Variants in SMYD4 observed in about 807,000 individuals in gnomAD.
SMYD4 encodes protein-lysine N-methyltransferase SMYD4.
In SMYD4, 68 loss-of-function variants were observed where a neutral mutation model predicts 72.8. The ratio of observed to expected loss-of-function variants is 0.93; its 90% confidence interval spans 0.77 to 1.14. The LOEUF is 1.14. SMYD4 is among the 50% of genes most tolerant of loss of function. The pLI, the probability that SMYD4 is intolerant of heterozygous loss-of-function variation, is 0.00. For missense variants in SMYD4, 984 were observed against 1,003.7 expected, an observed-to-expected ratio of 0.98 and a Z score of 0.27; for synonymous variants, 407 against 388.6, an observed-to-expected ratio of 1.05 and a Z score of -0.56.
intron 2 of SMYD4, among the ~76,000 whole-genome samples, chr17:1,825,752 C>T (rs1205043591): frequency 6.6e-6 from 1 of 151,840 alleles, no homozygotes; most frequent in Non-Finnish European, 1.5e-5. Flanking sequence ...ATCCTCTCAC[C>T]TTTGGCTCCC....
intron 2 of SMYD4, among the ~76,000 whole-genome samples, chr17:1,813,041 T>C (rs993032525): frequency 6.6e-6 from 1 of 152,008 alleles, no homozygotes; most frequent in African/African-American, 2.4e-5. Flanking sequence ...TGGGTTCAAG[T>C]GATTCTCCTG....
chr17:1,782,980 A>G (rs1908444665), intron 10 of SMYD4, 55 bp downstream of exon 10: 1 of 1,566,154 alleles, frequency 6.4e-7, no homozygotes, highest in African/African-American at 1.4e-5. Flanking sequence ...AGTAATACCC[A>G]GAAGAGCCTA....
intron 7 of SMYD4, among the ~76,000 whole-genome samples, chr17:1,784,969 A>G (rs1908578644): frequency 7.0e-6 from 1 of 143,110 alleles, no homozygotes; most frequent in Non-Finnish European, 1.5e-5. Flanking sequence ...TTTTTTTTTT[A>G]GTAGAGACGG....
At chr17:1,781,617 C>A (rs1041497393) in intron 10 of SMYD4, 178 bp from the exon 11 acceptor site, 2 of 612,700 alleles carry the variant, frequency 3.3e-6, no homozygotes, top group Non-Finnish European at 5.2e-6. Context: ...TGTGAGAAAA[C>A]AGTTATAAAA....
chr17:1,810,973 T>C (rs917686313), intron 3 of SMYD4, among the ~76,000 whole-genome samples: 14 of 152,178 alleles, frequency 9.2e-5, no homozygotes, highest in African/African-American at 2.9e-4. Context: ...CTTGCACTCA[T>C]TCTTAAAGCC....
intron 2 of SMYD4, among the ~76,000 whole-genome samples, chr17:1,821,994 G>A (rs1910915734): frequency 6.6e-6 from 1 of 151,776 alleles, no homozygotes; most frequent in Non-Finnish European, 1.5e-5. Context: ...GGAGGCTGAG[G>A]CGGGTGGATC....
chr17:1,787,079 C>A, intron 6 of SMYD4, 106 bp from the exon 7 acceptor site: 1 of 1,375,058 alleles, frequency 7.3e-7, no homozygotes. Flanking sequence ...TATCATGTGA[C>A]AGCTAACCTT....
chr17:1,784,895 G>A (rs929351510), intron 7 of SMYD4, among the ~76,000 whole-genome samples: 5 of 151,318 alleles, frequency 3.3e-5, no homozygotes, highest in Non-Finnish European at 5.9e-5. Flanking sequence ...TCAGTCTCCC[G>A]AGTAGCTGGG....
At chr17:1,802,938 G>A (rs142183791) in intron 4 of SMYD4, among the ~76,000 whole-genome samples, 1 of 152,296 alleles carries the variant, frequency 6.6e-6, no homozygotes, top group Non-Finnish European at 1.5e-5. Flanking sequence ...AGGATCACAA[G>A]GTCAGGAGTT....
intron 5 of SMYD4, among the ~76,000 whole-genome samples, chr17:1,797,631 C>A (rs1046505038): frequency 1.3e-5 from 2 of 152,164 alleles, no homozygotes; most frequent in Admixed American, 6.6e-5. Flanking sequence ...GAAGGCTGCG[C>A]TGGGCTGGAA....
chr17:1,789,082 G>A (rs956153824), intron 5 of SMYD4, among the ~76,000 whole-genome samples: 1 of 152,056 alleles, frequency 6.6e-6, no homozygotes, highest in African/African-American at 2.4e-5. Flanking sequence ...TATATGCCAG[G>A]AATCTCAAAA....
intron 7 of SMYD4, among the ~76,000 whole-genome samples, chr17:1,785,689 G>A (rs1419925548): frequency 6.6e-6 from 1 of 150,796 alleles, no homozygotes; most frequent in African/African-American, 2.5e-5. Context: ...GAGTCTGGGA[G>A]GTTGAGGCTG....
chr17:1,782,975 T>A, intron 10 of SMYD4, 60 bp downstream of exon 10: 1 of 1,555,950 alleles, frequency 6.4e-7, no homozygotes, highest in Non-Finnish European at 8.6e-7. Context: ...AAAAAAGTAA[T>A]ACCCAGAAGA....
intron 10 of SMYD4, chr17:1,782,814 T>TAC: frequency 2.6e-6 from 1 of 386,684 alleles, no homozygotes; most frequent in Non-Finnish European, 4.4e-6. Flanking sequence ...TCGCCCAGGC[T>TAC]ACAGTGCAGT....
chr17:1,791,820 G>C (rs1050506030), intron 5 of SMYD4, among the ~76,000 whole-genome samples: 3 of 152,124 alleles, frequency 2.0e-5, no homozygotes, highest in Non-Finnish European at 4.4e-5. Flanking sequence ...CCAGGAGTTT[G>C]AGGTTACAGT....
At chr17:1,790,679 G>A (rs1432230085) in intron 5 of SMYD4, among the ~76,000 whole-genome samples, 1 of 151,826 alleles carries the variant, frequency 6.6e-6, no homozygotes, top group African/African-American at 2.4e-5. Flanking sequence ...ACCACACTCA[G>A]CTCATTTTTG....
chr17:1,788,589 C>CA (rs1250052256), intron 5 of SMYD4, among the ~76,000 whole-genome samples: 1 of 150,416 alleles, frequency 6.6e-6, no homozygotes, highest in Non-Finnish European at 1.5e-5. Flanking sequence ...ACTAAAAACA[C>CA]AAAAAATTAG....
chr17:1,791,724 T>TA (rs1308830747), intron 5 of SMYD4, among the ~76,000 whole-genome samples: 2 of 151,974 alleles, frequency 1.3e-5, no homozygotes. Context: ...TCTTTATTAT[T>TA]AAAAAAACTA....
intron 2 of SMYD4, among the ~76,000 whole-genome samples, chr17:1,825,823 T>C (rs1911140947): frequency 6.6e-6 from 1 of 151,746 alleles, no homozygotes; most frequent in Admixed American, 6.6e-5. Flanking sequence ...TTATACCTTC[T>C]GGGTTGTGTC....
Sources: allele counts gnomAD v4.1 joint callset (sites outside exome capture counted in the v4.1 genomes callset), GRCh38; gene constraint gnomAD v4.1.1; transcripts MANE v1.5; gene names NCBI Gene and HGNC (gene_info 2026-07-23, HGNC 2026-07-21).